Variants in HIVEP1 observed in about 807,000 individuals in gnomAD.
HIVEP1 encodes the protein zinc finger protein 40.
A neutral mutation model predicts 180.0 loss-of-function variants in HIVEP1; 36 were observed. The observed-to-expected ratio is 0.20, with a 90% confidence interval of 0.15 to 0.26. HIVEP1 has a LOEUF of 0.26. Ranked by LOEUF, HIVEP1 falls within the 10% of genes least tolerant of loss-of-function variation. The pLI is 1.00. For missense variants in HIVEP1, 3,143 were observed against 3,268.7 expected (o/e 0.96, Z 0.94); for synonymous variants, 1,239 against 1,239.0 (o/e 1.00, Z 0.00).
At chr6:12,015,022 G>A (rs941067538) in intron 1 of HIVEP1, among the ~76,000 whole-genome samples, 2 of 152,222 alleles carry the variant, frequency 1.3e-5, no homozygotes, top group South Asian at 4.1e-4. Context: ...CTCACAGGTC[G>A]TTAGCTACAG....
chr6:12,045,667 A>T (rs559330029), intron 2 of HIVEP1, among the ~76,000 whole-genome samples: 83 of 152,336 alleles, frequency 5.4e-4, no homozygotes, highest in African/African-American at 1.9e-3. Flanking sequence ...ATTGATTGTA[A>T]CCCACTGGTG....
At chr6:12,169,989 T>C (rs532017251), downstream of HIVEP1, among the ~76,000 whole-genome samples, 52 of 151,888 alleles carry the variant, frequency 3.4e-4, no homozygotes, top group Admixed American at 3.0e-3. Context: ...GGGGTGGTGG[T>C]GGGCACCTGT....
the HIVEP1 span, among the ~76,000 whole-genome samples, chr6:12,177,638 C>G: frequency 6.6e-6 from 1 of 152,046 alleles, no homozygotes; most frequent in Admixed American, 6.6e-5. Context: ...CTGGGGAGAC[C>G]AACGTTAGAA....
At chr6:12,102,744 G>A (rs1023803725) in intron 3 of HIVEP1, among the ~76,000 whole-genome samples, 2 of 152,160 alleles carry the variant, frequency 1.3e-5, no homozygotes, top group South Asian at 2.1e-4. Flanking sequence ...AGCAAGAAGC[G>A]CATTATTTGA....
intron 7 of HIVEP1, among the ~76,000 whole-genome samples, chr6:12,146,916 G>A (rs1759407926): frequency 6.6e-6 from 1 of 152,094 alleles, no homozygotes; most frequent in South Asian, 2.1e-4. Flanking sequence ...ATCAGGGAAA[G>A]ACCGGTGATG....
intron 2 of HIVEP1, among the ~76,000 whole-genome samples, chr6:12,024,446 T>C (rs989324108): frequency 2.0e-5 from 3 of 152,196 alleles, no homozygotes; most frequent in Non-Finnish European, 2.9e-5. Flanking sequence ...ATTGGAACCA[T>C]ACGATTTAAG....
chr6:12,048,935 C>T (rs1770313953), intron 2 of HIVEP1, among the ~76,000 whole-genome samples: 1 of 152,108 alleles, frequency 6.6e-6, no homozygotes, highest in African/African-American at 2.4e-5. Context: ...CTGCTTAATG[C>T]ATTTTAATAT....
chr6:12,089,121 C>A, intron 2 of HIVEP1, 63 bp from the exon 3 acceptor site: 1 of 881,198 alleles, frequency 1.1e-6, no homozygotes, highest in Non-Finnish European at 1.8e-6. Context: ...AGTATGTTTG[C>A]TTTACTGTAC....
At chr6:12,014,427 GATTAA>G (rs201236174) in intron 1 of HIVEP1, among the ~76,000 whole-genome samples, 1,814 of 152,240 alleles carry the variant, frequency 0.012, 26 homozygotes, top group Admixed American at 0.04. Context: ...TTAGTTAACA[GATTAA>G]ATTAGGGAAT....
At chr6:12,170,672 G>T in the HIVEP1 span, among the ~76,000 whole-genome samples, 2 of 152,152 alleles carry the variant, frequency 1.3e-5, no homozygotes, top group East Asian at 3.8e-4. Context: ...TGACGAAGCC[G>T]CAATAATATT....
At chr6:12,043,801 C>A (rs752388468) in intron 2 of HIVEP1, among the ~76,000 whole-genome samples, 1 of 152,150 alleles carries the variant, frequency 6.6e-6, no homozygotes, top group South Asian at 2.1e-4. Context: ...CTGTGTTGTT[C>A]GTGGCACTTC....
At chr6:12,094,359 T>A (rs1773664232) in intron 3 of HIVEP1, among the ~76,000 whole-genome samples, 1 of 151,996 alleles carries the variant, frequency 6.6e-6, no homozygotes, top group South Asian at 2.1e-4. Flanking sequence ...CTCAGTTGGC[T>A]CCAGTAAAAT....
At chr6:12,040,924 A>G (rs1769642849) in intron 2 of HIVEP1, among the ~76,000 whole-genome samples, 1 of 152,164 alleles carries the variant, frequency 6.6e-6, no homozygotes, top group African/African-American at 2.4e-5. Flanking sequence ...AGATCTCAGG[A>G]GAACTCACTC....
Position 12,163,493 on chromosome 6 carries a change from A to G in HIVEP1, c.7189A>G (p.Asn2397Asp), listed in dbSNP as rs1156891626. 6.2e-7 allele frequency: 1 copy of G among 1,614,022 alleles called. No homozygotes were observed. The highest frequency in any genetic ancestry group is 1.3e-5 in the African/African-American group (1 of 74,922). ...HSQQQSRTPY[N>D]MVPVGGIHVV... Reference sequence around the variant, plus strand: ...CCAGCAGCAATCGAGGACACCTTATAATATGGTTCCAGTTGGGGGGATCCA... The same window carrying G: ...CCAGCAGCAATCGAGGACACCTTATGATATGGTTCCAGTTGGGGGGATCCA... Residue 2397 changes from asparagine to aspartate, a missense_variant, in exon 9 of 9, where the codon AAT (asparagine) becomes GAT (aspartate). Asn to Asp is a conservative substitution (Grantham distance 23). This residue lies in a region of HIVEP1 where 595 missense variants were observed against 602.2 expected (regional missense o/e 0.99). Transcript: ENST00000379388.
chr6:12,204,919 G>A, the HIVEP1 span, among the ~76,000 whole-genome samples: 5 of 152,292 alleles, frequency 3.3e-5, no homozygotes, highest in East Asian at 7.7e-4. Context: ...TGACACGGGG[G>A]CACTGGAGAG....
At position 12,122,094 on chromosome 6, in the gene HIVEP1, G is replaced by A; in HGVS notation, c.2299G>A (p.Val767Met). The change falls in exon 4 of 9, where the codon GTG becomes ATG. Residue 767 changes from valine (V) to methionine (M), a missense_variant. Coordinates refer to ENST00000379388, the MANE Select transcript of HIVEP1 (RefSeq NM_002114.4). ...ALVDDKQLDS[V>M]KPRRTSLSRR... is the part of the protein sequence containing the mutation. The stretch of plus-strand genomic sequence containing the variant: ...GGTAGATGACAAGCAACTGGATAGT[G>A]TGAAGCCGCGGAGAACCTCACTGTC... 1 of 1,614,204 alleles carries A rather than the reference G, an allele frequency of 6.2e-7. No homozygotes were observed.
chr6:12,049,405 A>C (rs1041026498), intron 2 of HIVEP1, among the ~76,000 whole-genome samples: 1 of 152,180 alleles, frequency 6.6e-6, no homozygotes, highest in African/African-American at 2.4e-5. Flanking sequence ...TTAACCCCTC[A>C]GGGAGCTTGT....
At chr6:12,021,478 G>T (rs149425433) in intron 2 of HIVEP1, among the ~76,000 whole-genome samples, 1 of 152,080 alleles carries the variant, frequency 6.6e-6, no homozygotes, top group African/African-American at 2.4e-5. Context: ...CTGTTCTCTT[G>T]TCAGATATCC....
At chr6:12,131,057 C>G (rs1758390837) in intron 6 of HIVEP1, 115 bp downstream of exon 6, 1 of 612,730 alleles carries the variant, frequency 1.6e-6, no homozygotes, top group East Asian at 2.7e-5. Context: ...AGACTAATGT[C>G]AATTACATCT....
Sources: gnomAD v4.1 joint callset for allele counts (sites outside exome capture counted in the v4.1 genomes callset) on GRCh38, gnomAD v4.1.1 for gene constraint, gnomAD v4.1.1 regional missense constraint, MANE v1.5 for transcripts, NCBI Gene and HGNC (gene_info 2026-07-23, HGNC 2026-07-21) for gene names.